Variants in TSHZ1 observed in about 807,000 individuals in gnomAD.
TSHZ1 encodes the protein teashirt homolog 1.
A neutral mutation model predicts 67.1 loss-of-function variants in TSHZ1; 12 were observed. The observed-to-expected ratio is 0.18, with a 90% CI of 0.11 to 0.29. TSHZ1 has a LOEUF of 0.29. TSHZ1 is among the 10% of genes least tolerant of loss of function. TSHZ1 has a pLI of 1.00. For synonymous variants in TSHZ1, 632 were observed against 622.4 expected, an observed-to-expected ratio of 1.02 and a Z score of -0.23; for missense variants, 1,305 against 1,413.9, an observed-to-expected ratio of 0.92 and a Z score of 1.23.
intron 1 of TSHZ1, among the ~76,000 whole-genome samples, chr18:75,262,805 C>T (rs1055187551): frequency 1.3e-5 from 2 of 152,198 alleles, no homozygotes; most frequent in African/African-American, 4.8e-5. Flanking sequence ...CTCCATTCTT[C>T]TCCTTGAGAA....
intron 1 of TSHZ1, among the ~76,000 whole-genome samples, chr18:75,224,252 TTTAA>T (rs1298212388): frequency 2.0e-5 from 3 of 152,202 alleles, no homozygotes; most frequent in Non-Finnish European, 4.4e-5. Flanking sequence ...GTCTGTCTTC[TTTAA>T]TTATTACCTT....
At chr18:75,258,567 C>T (rs897779131) in intron 1 of TSHZ1, among the ~76,000 whole-genome samples, 4 of 152,094 alleles carry the variant, frequency 2.6e-5, no homozygotes, top group Admixed American at 1.3e-4. Context: ...TAGAGAATGA[C>T]TTTCTGTAAT....
intron 1 of TSHZ1, among the ~76,000 whole-genome samples, chr18:75,277,766 G>A (rs896403028): frequency 3.3e-5 from 5 of 152,142 alleles, no homozygotes; most frequent in Admixed American, 6.5e-5. Flanking sequence ...ATTCGAGGGC[G>A]GGGATACAAA....
chr18:75,219,507 C>G (rs77647280), intron 1 of TSHZ1, among the ~76,000 whole-genome samples: 3,939 of 152,320 alleles, frequency 0.026, 175 homozygotes, highest in African/African-American at 0.089. Context: ...GTTATGACAT[C>G]ACTTAGGTGG....
rs886054102 is a variant in TSHZ1 at position 75,210,838 on chromosome 18, A to G, written c.-1039A>G. 2 of 147,808 alleles carry G rather than the reference A, an allele frequency of 1.4e-5. No homozygotes were observed. The highest frequency in any genetic ancestry group is 5.0e-5 in the African/African-American group (2 of 40,060). 9.2% of individuals were successfully genotyped at this position (147,808 alleles called of 1,614,324 possible). A position where few individuals can be genotyped will look rare whatever the true frequency, so the allele number is the denominator to read the frequency against. On this transcript the variant is annotated 5_prime_UTR_variant, in exon 1 of 2. Coordinates refer to ENST00000580243, the MANE Select transcript of TSHZ1 (RefSeq NM_001308210.2). ...AAGCTCTGCGATCCGAATGTGTGTT[A>G]TATTTCACTGAAAAGAGGAGAGAGC... is the stretch of plus-strand genomic sequence containing the variant.
intron 1 of TSHZ1, among the ~76,000 whole-genome samples, chr18:75,212,708 G>T (rs1039802238): frequency 2.0e-5 from 3 of 152,092 alleles, no homozygotes; most frequent in Admixed American, 2.0e-4. Context: ...TTTCTCTCTC[G>T]CTCCCCCTTT....
At chr18:75,254,937 C>G (rs1489089209) in intron 1 of TSHZ1, among the ~76,000 whole-genome samples, 1 of 152,056 alleles carries the variant, frequency 6.6e-6, no homozygotes, top group Non-Finnish European at 1.5e-5. Context: ...TCCAGAAAAC[C>G]CAGCCTCCAA....
Position 75,288,665 on chromosome 18 carries a change from G to A in TSHZ1, c.*24G>A, listed in dbSNP as rs779617979. ...AGCGTCCAGGTATGCAAGAGACCGC[G>A]GAACATTGCACTAAACGTCGTCGAG... On this transcript the variant is annotated 3_prime_UTR_variant, in exon 2 of 2. Coordinates refer to ENST00000580243, the MANE Select transcript of TSHZ1 (RefSeq NM_001308210.2). The surrounding 1 kb of genome is among the most constrained non-coding windows in gnomAD (Gnocchi z 4.9). The A allele has an allele frequency of 2.3e-5, 35 of 1,552,212 alleles. No homozygotes were observed. In the East Asian group the frequency reaches 4.7e-4, roughly 21 times the overall value.
At chr18:75,282,146 C>T (rs975262747) in intron 1 of TSHZ1, among the ~76,000 whole-genome samples, 2 of 152,132 alleles carry the variant, frequency 1.3e-5, no homozygotes, top group African/African-American at 2.4e-5. Flanking sequence ...CACACATTGG[C>T]GATGAGATAC....
intron 1 of TSHZ1, among the ~76,000 whole-genome samples, chr18:75,240,443 G>C (rs907570577): frequency 6.6e-6 from 1 of 151,474 alleles, no homozygotes; most frequent in African/African-American, 2.4e-5. Flanking sequence ...TAGAATTTCT[G>C]GCTAGGGGCC....
At chr18:75,220,273 A>T (rs1270298509) in intron 1 of TSHZ1, among the ~76,000 whole-genome samples, 1 of 152,184 alleles carries the variant, frequency 6.6e-6, no homozygotes, top group Non-Finnish European at 1.5e-5. Context: ...GGACATAGGA[A>T]ATAGTGAATT....
chr18:75,255,663 T>C (rs1303299405), intron 1 of TSHZ1, among the ~76,000 whole-genome samples: 1 of 152,198 alleles, frequency 6.6e-6, no homozygotes, highest in Non-Finnish European at 1.5e-5. Context: ...AATGAAAAAA[T>C]TGAAGTCCGG....
intron 1 of TSHZ1, among the ~76,000 whole-genome samples, chr18:75,277,887 G>A (rs2122605664): frequency 1.3e-5 from 2 of 152,274 alleles, no homozygotes; most frequent in African/African-American, 4.8e-5. Flanking sequence ...TGTTCCAATG[G>A]GGACAGTGGT....
intron 1 of TSHZ1, among the ~76,000 whole-genome samples, chr18:75,236,123 G>A (rs542153942): frequency 2.6e-5 from 4 of 152,318 alleles, no homozygotes; most frequent in Middle Eastern, 3.4e-3. Context: ...GGAAGTGTGC[G>A]TGTGTAACAT....
At chr18:75,212,669 C>G (rs1319398408) in intron 1 of TSHZ1, among the ~76,000 whole-genome samples, 1 of 152,196 alleles carries the variant, frequency 6.6e-6, no homozygotes, top group Non-Finnish European at 1.5e-5. Context: ...ACACATGCTC[C>G]TGACAGCTCC....
intron 1 of TSHZ1, chr18:75,280,889 T>C (rs1043994012): frequency 8.6e-6 from 8 of 930,274 alleles, no homozygotes; most frequent in Non-Finnish European, 1.0e-5. Flanking sequence ...GAGATGACCT[T>C]TGAGCCTCCC....
chr18:75,238,093 G>A (rs377113660), intron 1 of TSHZ1, among the ~76,000 whole-genome samples: 15 of 152,268 alleles, frequency 9.9e-5, no homozygotes, highest in East Asian at 5.8e-4. Flanking sequence ...GAGCCACCAC[G>A]CCAGGCTGAC....
rs751256498 is a variant in TSHZ1, at chr18:75,286,516, T to C, written c.1109T>C (p.Met370Thr). The change falls in exon 2 of 2, where the codon ATG (methionine) becomes ACG (threonine). Residue 370 changes from methionine (M) to threonine (T), a missense_variant. Met to Thr is a moderately conservative substitution (Grantham distance 81). Around this residue, in one of 3 missense-constraint regions of TSHZ1, gnomAD observed 909 missense variants for 961.8 expected, o/e 0.95. Transcript: ENST00000580243. This position sits in a 1 kb window ranked among gnomAD's most constrained non-coding sequence, Gnocchi z 5.1. ...CCCTGCTCCCCTGAGCCAGCAGGAATGGCCGCAGAGGTGGCCCTGAGTGAG... is the reference window on the plus strand; with the variant it reads ...CCCTGCTCCCCTGAGCCAGCAGGAACGGCCGCAGAGGTGGCCCTGAGTGAG... ...APPCSPEPAG[M>T]AAEVALSESA... is the part of the protein sequence containing the mutation. 6.2e-7 allele frequency: 1 copy of C among 1,614,180 alleles called. No individual in the cohort carries two copies. Among genetic ancestry groups the C allele is most frequent in the Non-Finnish European group, 8.5e-7 (1 of 1,180,036 alleles).
At chr18:75,266,083 C>A (rs181649672) in intron 1 of TSHZ1, among the ~76,000 whole-genome samples, 1 of 152,288 alleles carries the variant, frequency 6.6e-6, no homozygotes, top group East Asian at 1.9e-4. Context: ...GCAGAGGTCC[C>A]CATCCCCGGG....
Sources: gnomAD v4.1 joint callset for allele counts (sites outside exome capture counted in the v4.1 genomes callset) on GRCh38, gnomAD v4.1.1 for gene constraint, gnomAD v4.1.1 regional missense constraint, Gnocchi (gnomAD v3.1) non-coding constraint, MANE v1.5 for transcripts, NCBI Gene and HGNC (gene_info 2026-07-23, HGNC 2026-07-21) for gene names.